SIAE: variants seen among roughly 807,000 people sequenced by gnomAD.
SIAE encodes sialic acid acetylesterase.
SIAE carries 39 observed loss-of-function variants against 52.6 expected under a neutral mutation model. The observed-to-expected ratio is 0.74, with a 90% CI of 0.57 to 0.97. The LOEUF is 0.97. Ranked by LOEUF, SIAE falls within the 50% of genes least tolerant of loss-of-function variation. The pLI is 0.00. For missense variants in SIAE, 592 were observed against 662.1 expected, an observed-to-expected ratio of 0.89 and a Z score of 1.16; for synonymous variants, 233 against 241.4, an observed-to-expected ratio of 0.97 and a Z score of 0.32.
At chr11:124,651,533 G>A (rs1163475788) in intron 4 of SIAE, among the ~76,000 whole-genome samples, 2 of 144,820 alleles carry the variant, frequency 1.4e-5, no homozygotes, top group African/African-American at 5.4e-5. Context: ...GGGCGACAGA[G>A]CAAGACTCCG....
At chr11:124,642,823 C>G (rs896639515) in intron 7 of SIAE, among the ~76,000 whole-genome samples, 1 of 152,204 alleles carries the variant, frequency 6.6e-6, no homozygotes, top group African/African-American at 2.4e-5. Flanking sequence ...CATGGTGAGC[C>G]TGACCTAATC....
chr11:124,667,997 G>A (rs1481216657), intron 2 of SIAE, among the ~76,000 whole-genome samples: 2 of 152,170 alleles, frequency 1.3e-5, no homozygotes, highest in Non-Finnish European at 2.9e-5. Context: ...CTTCCACAGT[G>A]CTGCCACAGC....
rs560290669 is a variant in SIAE, at chr11:124,652,575, T to C, written c.544+2080A>G. The stretch of plus-strand genomic sequence containing the variant: ...TGGGCGTGGTGGGGCACACCTGTAA[T>C]CCCAGCTACTCGGGAGGCTGAGGCA... On this transcript the variant is annotated intron_variant, in intron 4 of 9. Coordinates refer to ENST00000263593, the MANE Select transcript of SIAE (RefSeq NM_170601.5). Among the ~76,000 whole-genome samples the C allele has an allele frequency of 2.0e-5, 3 of 150,996 alleles. No individual in the cohort carries two copies. The East Asian group carries it at 5.9e-4, about 29-fold the overall frequency.
intron 1 of SIAE, 53 bp downstream of exon 1, chr11:124,673,589 C>T (rs1943407564): frequency 1.9e-6 from 3 of 1,590,506 alleles, no homozygotes; most frequent in Non-Finnish European, 2.6e-6. Context: ...CACGGGGTCT[C>T]GGAGCCCGCA....
chr11:124,660,611 G>T lies in SIAE; in HGVS notation c.405+17C>A, dbSNP rs368763271. On this transcript the variant is annotated intron_variant, in intron 3 of 9. Transcript: ENST00000263593. ...ATCACCAACACTGTGTATTATTGCTGAGACTCTGCAAATTACCTGTAACAC... is the reference window on the plus strand; with the variant it reads ...ATCACCAACACTGTGTATTATTGCTTAGACTCTGCAAATTACCTGTAACAC... The T allele has an allele frequency of 6.2e-7, 1 of 1,613,504 alleles. No homozygotes were observed. Among genetic ancestry groups the T allele is most frequent in the Admixed American group, 1.7e-5 (1 of 60,008 alleles).
At chr11:124,674,248 AAG>A (rs1943426904), upstream of SIAE, 1 of 152,476 alleles carries the variant, frequency 6.6e-6, no homozygotes, top group South Asian at 2.1e-4. Flanking sequence ...GAAAAAGCAA[AAG>A]AGAGGAGTCA....
At chr11:124,646,907 G>T (rs1942943524) in intron 7 of SIAE, among the ~76,000 whole-genome samples, 1 of 152,176 alleles carries the variant, frequency 6.6e-6, no homozygotes, top group African/African-American at 2.4e-5. Flanking sequence ...AAACTGCATT[G>T]AAGATTAATA....
At chr11:124,652,903 C>CAT (rs57321999) in intron 4 of SIAE, among the ~76,000 whole-genome samples, 19,743 of 152,006 alleles carry the variant, frequency 0.13, 3,226 homozygotes, top group African/African-American at 0.39. Flanking sequence ...CTCATTAGCA[C>CAT]GTCACCCATT....
At chr11:124,673,989 A>T, upstream of SIAE, 2 of 490,980 alleles carry the variant, frequency 4.1e-6, no homozygotes, top group Non-Finnish European at 7.3e-6. Context: ...CGATACCAAG[A>T]CCTAGCCTTT....
chr11:124,673,866 G>GTTTTT, upstream of SIAE: 1 of 528,150 alleles, frequency 1.9e-6, no homozygotes, highest in South Asian at 3.0e-5. Flanking sequence ...GGCCGCCGTA[G>GTTTTT]TTTTTTTTTT....
chr11:124,652,933 A>G (rs944846457), intron 4 of SIAE, among the ~76,000 whole-genome samples: 6 of 152,154 alleles, frequency 3.9e-5, no homozygotes. Context: ...TGTGATATCC[A>G]CATTTATTCA....
In SIAE at chr11:124,633,658, T is replaced by G. The variant is rs1942657417; in HGVS notation, c.*3293A>C. On this transcript the variant is annotated 3_prime_UTR_variant, in exon 10 of 10. Coordinates refer to ENST00000263593, the MANE Select transcript of SIAE (RefSeq NM_170601.5). ...GTATTTTATGATTTTGAGTATAGTC[T>G]TTTTATAAGTTGTATACACTTTACA... The G allele has an allele frequency of 6.6e-6, 1 of 152,256 alleles. No individual in the cohort carries two copies. The highest frequency in any genetic ancestry group is 1.5e-5 in the Non-Finnish European group (1 of 68,046). 9.4% of individuals were successfully genotyped at this position (152,256 alleles called of 1,614,324 possible).
chr11:124,669,249 C>A, intron 2 of SIAE, 111 bp downstream of exon 2: 1 of 1,347,590 alleles, frequency 7.4e-7, no homozygotes, highest in Admixed American at 1.7e-5. Flanking sequence ...AATGGACAGA[C>A]GGATGTAGGG....
chr11:124,664,234 T>C (rs1943237678), intron 2 of SIAE, among the ~76,000 whole-genome samples: 1 of 150,672 alleles, frequency 6.6e-6, no homozygotes. Context: ...TGGTAGCCTA[T>C]TTCTTTTTTT....
rs145005734 is a variant in SIAE, at chr11:124,636,683, G to A, written c.*268C>T. Reference sequence around the variant, plus strand: ...TTTCACTCCCATTAATATGAGGGAAGTAAATGACATTGAGGTCCAATTTGT... The same window carrying A: ...TTTCACTCCCATTAATATGAGGGAAATAAATGACATTGAGGTCCAATTTGT... On this transcript the variant is annotated 3_prime_UTR_variant, in exon 10 of 10. Coordinates refer to ENST00000263593, the MANE Select transcript of SIAE (RefSeq NM_170601.5). 0.015 allele frequency: 7,588 copies of A among 501,032 alleles called. 87 individuals carry two copies. Among genetic ancestry groups the A allele is most frequent in the Non-Finnish European group, 0.02 (5,425 of 277,266 alleles). The allele number at this position is 501,032 out of a possible 1,614,324, so 31.0% of individuals were successfully genotyped here. A position where few individuals can be genotyped will look rare whatever the true frequency, so the allele number is the denominator to read the frequency against.
chr11:124,654,349 A>C, intron 4 of SIAE: 2 of 985,402 alleles, frequency 2.0e-6, no homozygotes, highest in Non-Finnish European at 2.4e-6. Context: ...GGAAGAAAGA[A>C]GAGAGGATTT....
chr11:124,662,508 A>G (rs1169733354), intron 2 of SIAE, among the ~76,000 whole-genome samples: 1 of 152,220 alleles, frequency 6.6e-6, no homozygotes, highest in Non-Finnish European at 1.5e-5. Flanking sequence ...CACTGCTATT[A>G]ACTGGGTATT....
chr11:124,654,349 A>G (rs1943062548), intron 4 of SIAE: 1 of 985,284 alleles, frequency 1.0e-6, no homozygotes, highest in African/African-American at 1.7e-5. Flanking sequence ...GGAAGAAAGA[A>G]GAGAGGATTT....
At chr11:124,642,227 C>A (rs1249690649) in intron 7 of SIAE, among the ~76,000 whole-genome samples, 1 of 152,156 alleles carries the variant, frequency 6.6e-6, no homozygotes, top group Non-Finnish European at 1.5e-5. Flanking sequence ...CCAAGTAGCA[C>A]CAGAATATTT....
Sources: allele counts gnomAD v4.1 joint callset (sites outside exome capture counted in the v4.1 genomes callset), GRCh38; gene constraint gnomAD v4.1.1; transcripts MANE v1.5; gene names NCBI Gene and HGNC (gene_info 2026-07-23, HGNC 2026-07-21).